KDM2A: variants seen among roughly 807,000 people sequenced by gnomAD.
KDM2A encodes the protein lysine-specific demethylase 2A.
KDM2A carries 3 observed loss-of-function variants against 137.3 expected under a neutral mutation model. That is an observed-to-expected ratio of 0.02 (90% CI 0.01 to 0.06). The LOEUF (loss-of-function observed/expected upper bound fraction) is 0.06. Ranked by LOEUF, KDM2A falls within the 10% of genes least tolerant of loss-of-function variation. The pLI is 1.00. For missense variants in KDM2A, 738 were observed against 1,510.6 expected (o/e 0.49, Z 8.48); for synonymous variants, 512 against 541.5 (o/e 0.95, Z 0.76).
chr11:67,210,088 C>T (rs1015603332), intron 6 of KDM2A, among the ~76,000 whole-genome samples: 2 of 151,868 alleles, frequency 1.3e-5, no homozygotes, highest in Non-Finnish European at 2.9e-5. Flanking sequence ...AAATAGAAGC[C>T]GAGCATGGTG....
intron 2 of KDM2A, among the ~76,000 whole-genome samples, chr11:67,161,070 G>C (rs1856625742): frequency 6.6e-6 from 1 of 152,118 alleles, no homozygotes; most frequent in Non-Finnish European, 1.5e-5. Context: ...TGTGGACAAG[G>C]TGGACTAGTG....
intron 12 of KDM2A, among the ~76,000 whole-genome samples, chr11:67,236,677 A>G (rs564989038): frequency 1.4e-4 from 21 of 152,266 alleles, no homozygotes; most frequent in Non-Finnish European, 2.4e-4. Flanking sequence ...ATTTATGGAA[A>G]CCTATTTTCT....
At chr11:67,139,754 G>A (rs1342142809) in intron 2 of KDM2A, among the ~76,000 whole-genome samples, 1 of 151,966 alleles carries the variant, frequency 6.6e-6, no homozygotes, top group Non-Finnish European at 1.5e-5. Flanking sequence ...CTGTCACTCA[G>A]TCTGGAGTGC....
intron 10 of KDM2A, among the ~76,000 whole-genome samples, chr11:67,222,942 C>T (rs1407996402): frequency 6.6e-6 from 1 of 150,894 alleles, no homozygotes; most frequent in Non-Finnish European, 1.5e-5. Flanking sequence ...ACCTGTAATC[C>T]CAACACTTTG....
chr11:67,134,594 T>G (rs1334737965), intron 2 of KDM2A, among the ~76,000 whole-genome samples: 2 of 152,156 alleles, frequency 1.3e-5, no homozygotes, highest in Non-Finnish European at 2.9e-5. Flanking sequence ...AACCTCTGCC[T>G]CTTGGGTTCA....
In KDM2A at chr11:67,245,142, T is replaced by C. The variant is rs1336090208; in HGVS notation, c.1564-47T>C. 3.8e-6 allele frequency: 6 copies of C among 1,596,806 alleles called. No homozygotes were observed. The highest frequency in any genetic ancestry group is 5.1e-6 in the Non-Finnish European group (6 of 1,171,346). ...CCATGTAATCTTCTACCCTATCCAG[T>C]CTTAAAGCAACCTGATATATTTGAC... On this transcript the variant is annotated intron_variant, in intron 13 of 20. Coordinates refer to ENST00000529006, the MANE Select transcript of KDM2A (RefSeq NM_012308.3). This position sits in a 1 kb window ranked among gnomAD's most constrained non-coding sequence, Gnocchi z 4.1.
chr11:67,217,440 T>C (rs531279754), intron 8 of KDM2A: 143 of 386,592 alleles, frequency 3.7e-4, no homozygotes, highest in Non-Finnish European at 6.1e-4. Context: ...GACAGAGTGT[T>C]TAAGGGACTG....
chr11:67,212,366 G>A (rs575816805), intron 6 of KDM2A, among the ~76,000 whole-genome samples: 76 of 152,256 alleles, frequency 5.0e-4, no homozygotes, highest in African/African-American at 1.7e-3. Context: ...CCTGTTATAG[G>A]AGCTAGCATA....
At chr11:67,157,764 A>C (rs975898320) in intron 2 of KDM2A, among the ~76,000 whole-genome samples, 2 of 151,286 alleles carry the variant, frequency 1.3e-5, no homozygotes, top group Non-Finnish European at 2.9e-5. Context: ...AAAAAAAAAA[A>C]CTTGCATTAG....
At chr11:67,211,625 A>AG (rs1226588404) in intron 6 of KDM2A, among the ~76,000 whole-genome samples, 2 of 149,152 alleles carry the variant, frequency 1.3e-5, no homozygotes, top group East Asian at 3.9e-4. Flanking sequence ...AAAAAAAAAA[A>AG]AAAAAAAAAA....
chr11:67,215,655 C>T (rs975030768), intron 7 of KDM2A: 21 of 618,010 alleles, frequency 3.4e-5, no homozygotes, highest in African/African-American at 2.0e-4. Context: ...AAAAAACTTA[C>T]ATTTTAGTCA....
At chr11:67,181,450 C>A (rs1857089397) in intron 4 of KDM2A, 52 bp downstream of exon 4, 1 of 1,214,088 alleles carries the variant, frequency 8.2e-7, no homozygotes, top group Non-Finnish European at 1.2e-6. Context: ...CTCGTTACAC[C>A]CAGGGCAATA....
At chr11:67,140,623 G>T (rs1856078039) in intron 2 of KDM2A, among the ~76,000 whole-genome samples, 1 of 152,052 alleles carries the variant, frequency 6.6e-6, no homozygotes, top group African/African-American at 2.4e-5. Flanking sequence ...CGTTGTGGCA[G>T]GCGCCTGTAA....
intron 3 of KDM2A, 40 bp downstream of exon 3, chr11:67,180,257 T>C: frequency 1.9e-6 from 3 of 1,599,576 alleles, no homozygotes; most frequent in Non-Finnish European, 2.6e-6. Context: ...TCCTTTGATG[T>C]GGGAAGCCAT....
chr11:67,227,535 T>G (rs1027871761), intron 10 of KDM2A, among the ~76,000 whole-genome samples: 8 of 152,138 alleles, frequency 5.3e-5, no homozygotes, highest in Non-Finnish European at 1.0e-4. Flanking sequence ...CAAGACAGCT[T>G]CTTGGTGGTT....
chr11:67,190,720 C>T (rs1272361929), intron 5 of KDM2A, among the ~76,000 whole-genome samples: 3 of 151,928 alleles, frequency 2.0e-5, no homozygotes, highest in Non-Finnish European at 4.4e-5. Context: ...CAGATTGTGC[C>T]ATTGTACTCC....
At chr11:67,201,201 A>AT (rs1243540994) in intron 5 of KDM2A, among the ~76,000 whole-genome samples, 4,634 of 83,766 alleles carry the variant, frequency 0.055, 118 homozygotes, top group African/African-American at 0.11. Context: ...CTCAAAAAAA[A>AT]AAATATATAT....
rs372109391 is a variant in KDM2A, at chr11:67,122,317, C to G, written c.42+959C>G. Among the ~76,000 whole-genome samples, 8 of 151,976 alleles carry G rather than the reference C, an allele frequency of 5.3e-5. No homozygotes were observed. In the South Asian group the frequency reaches 1.0e-3, roughly 20 times the overall value. ...GATCCTTACTCTTTTTGAGAAGAGACTTCTTTATTATTTATTTATTTTTAT... is the reference window on the plus strand; with the variant it reads ...GATCCTTACTCTTTTTGAGAAGAGAGTTCTTTATTATTTATTTATTTTTAT... On this transcript the variant is annotated intron_variant, in intron 2 of 20. Transcript: ENST00000529006.
intron 2 of KDM2A, among the ~76,000 whole-genome samples, chr11:67,145,043 T>C (rs996803377): frequency 1.3e-5 from 2 of 150,644 alleles, no homozygotes; most frequent in South Asian, 2.1e-4. Context: ...CTACTTTTTT[T>C]GTATTTTTAG....
Sources: gnomAD v4.1 joint callset for allele counts (sites outside exome capture counted in the v4.1 genomes callset) on GRCh38, gnomAD v4.1.1 for gene constraint, Gnocchi (gnomAD v3.1) non-coding constraint, MANE v1.5 for transcripts, NCBI Gene and HGNC (gene_info 2026-07-23, HGNC 2026-07-21) for gene names.